Variants in UVRAG observed in about 807,000 individuals in gnomAD.
UVRAG encodes UV radiation resistance-associated gene protein.
Under a neutral mutation model 78.0 loss-of-function variants are expected in UVRAG, and 19 were observed. The ratio of observed to expected loss-of-function variants is 0.24; its 90% CI spans 0.17 to 0.36. UVRAG has a LOEUF of 0.36. UVRAG is among the 10% of genes least tolerant of loss of function. UVRAG has a pLI of 1.00. For missense variants in UVRAG, 740 were observed against 853.8 expected (o/e 0.87, Z 1.66); for synonymous variants, 323 against 324.6 (o/e 1.00, Z 0.05).
chr11:75,951,744 G>C (rs1320696360), intron 6 of UVRAG, among the ~76,000 whole-genome samples: 3 of 152,056 alleles, frequency 2.0e-5, no homozygotes, highest in Non-Finnish European at 4.4e-5. Context: ...CTTACTTACT[G>C]TAGCTTTATG....
chr11:75,947,262 G>C (rs2135154094), intron 6 of UVRAG, among the ~76,000 whole-genome samples: 1 of 152,268 alleles, frequency 6.6e-6, no homozygotes, highest in Non-Finnish European at 1.5e-5. Context: ...ACTGATACGT[G>C]ACCTTAATTA....
intron 10 of UVRAG, among the ~76,000 whole-genome samples, chr11:76,008,030 C>G (rs1341269546): frequency 6.6e-6 from 1 of 152,074 alleles, no homozygotes; most frequent in African/African-American, 2.4e-5. Context: ...GCCTCAGCCT[C>G]CCGAGTAGCT....
intron 8 of UVRAG, among the ~76,000 whole-genome samples, chr11:75,995,293 T>A (rs914759209): frequency 1.3e-5 from 2 of 152,048 alleles, no homozygotes; most frequent in African/African-American, 4.8e-5. Flanking sequence ...GCCATACTTT[T>A]CTCCTATTTT....
intron 13 of UVRAG, among the ~76,000 whole-genome samples, chr11:76,073,161 A>G (rs1951345290): frequency 6.6e-6 from 1 of 152,088 alleles, no homozygotes. Context: ...TTAAATCATG[A>G]CCCCTGAGTG....
intron 2 of UVRAG, among the ~76,000 whole-genome samples, chr11:75,860,324 A>C (rs183408024): frequency 6.6e-6 from 1 of 152,288 alleles, no homozygotes; most frequent in East Asian, 1.9e-4. Flanking sequence ...AAACTGTTTA[A>C]TTTAGACACT....
At chr11:75,866,115 G>A (rs185890096) in intron 3 of UVRAG, among the ~76,000 whole-genome samples, 2 of 151,924 alleles carry the variant, frequency 1.3e-5, no homozygotes, top group South Asian at 2.1e-4. Flanking sequence ...AAAATTACCC[G>A]GGAAGTTGAG....
intron 6 of UVRAG, among the ~76,000 whole-genome samples, chr11:75,926,311 G>A (rs1354700860): frequency 6.6e-6 from 1 of 152,178 alleles, no homozygotes; most frequent in Non-Finnish European, 1.5e-5. Flanking sequence ...TTCTTTCTTA[G>A]TTGGCATCCC....
At chr11:76,073,125 T>C (rs1477174680) in intron 13 of UVRAG, among the ~76,000 whole-genome samples, 1 of 152,152 alleles carries the variant, frequency 6.6e-6, no homozygotes, top group Non-Finnish European at 1.5e-5. Flanking sequence ...ATGTCCTTAA[T>C]GAAGCAGTAA....
intron 8 of UVRAG, 198 bp downstream of exon 8, chr11:75,983,711 G>T (rs1949438999): frequency 2.9e-6 from 2 of 694,816 alleles, no homozygotes; most frequent in South Asian, 6.2e-5. Flanking sequence ...CACAAGCTCA[G>T]ATGGTATAAA....
At chr11:76,000,142 G>T (rs1191934815) in intron 8 of UVRAG, among the ~76,000 whole-genome samples, 1 of 152,154 alleles carries the variant, frequency 6.6e-6, no homozygotes, top group East Asian at 1.9e-4. Flanking sequence ...GGAACATACT[G>T]AAAACAGCTA....
At chr11:76,100,750 C>G (rs1457658420) in intron 13 of UVRAG, among the ~76,000 whole-genome samples, 1 of 152,088 alleles carries the variant, frequency 6.6e-6, no homozygotes, top group Non-Finnish European at 1.5e-5. Context: ...CTGTTCCTCT[C>G]CCTCCTTCCA....
Position 76,141,953 on chromosome 11 carries a change from T to C in UVRAG, c.*540T>C, listed in dbSNP as rs1022375092. ...AACTGTCCCTCTTCCTGCCCCCGGG[T>C]ACCACAGTCCACCTTTAGACCCTAC... On this transcript the variant is annotated 3_prime_UTR_variant, in exon 15 of 15. Coordinates refer to ENST00000356136, the MANE Select transcript of UVRAG (RefSeq NM_003369.4). 2 of 155,546 alleles carry C rather than the reference T, an allele frequency of 1.3e-5. No individual in the cohort carries two copies. The highest frequency in any genetic ancestry group is 4.8e-5 in the African/African-American group (2 of 41,446). The allele number at this position is 155,546 out of a possible 1,614,324, so 9.6% of individuals were successfully genotyped here.
At chr11:76,054,930 T>C (rs1344297490) in intron 12 of UVRAG, among the ~76,000 whole-genome samples, 1 of 152,270 alleles carries the variant, frequency 6.6e-6, no homozygotes, top group East Asian at 1.9e-4. Context: ...GAGTCTTTGG[T>C]ATAAAGTAAG....
At chr11:75,831,924 T>TA (rs1417117244) in intron 1 of UVRAG, among the ~76,000 whole-genome samples, 1 of 152,186 alleles carries the variant, frequency 6.6e-6, no homozygotes, top group Non-Finnish European at 1.5e-5. Flanking sequence ...AGCTGATTTT[T>TA]AAAAAAGCAT....
chr11:76,080,600 G>A (rs1294632739), intron 13 of UVRAG, among the ~76,000 whole-genome samples: 1 of 151,838 alleles, frequency 6.6e-6, no homozygotes, highest in East Asian at 1.9e-4. Context: ...GGTGAACCTG[G>A]GACAAGAAAC....
intron 1 of UVRAG, among the ~76,000 whole-genome samples, chr11:75,824,535 G>GTC (rs1205749405): frequency 2.6e-5 from 4 of 151,758 alleles, no homozygotes; most frequent in African/African-American, 4.8e-5. Flanking sequence ...AAACTAATAA[G>GTC]TTGGGCCTGA....
At chr11:76,140,582 G>A (rs1952698707) in intron 14 of UVRAG, 129 bp from the exon 15 acceptor site, 1 of 967,400 alleles carries the variant, frequency 1.0e-6, no homozygotes, top group East Asian at 2.6e-5. Flanking sequence ...AATAACTATT[G>A]TCTAAGATTG....
intron 1 of UVRAG, among the ~76,000 whole-genome samples, chr11:75,850,071 T>C (rs1194618449): frequency 1.5e-5 from 2 of 132,114 alleles, no homozygotes; most frequent in African/African-American, 8.7e-5. Context: ...GTCTGATTGG[T>C]TGCAGAAAGC....
At chr11:76,045,153 CTAA>C (rs1950725215) in intron 12 of UVRAG, among the ~76,000 whole-genome samples, 1 of 152,190 alleles carries the variant, frequency 6.6e-6, no homozygotes, top group Non-Finnish European at 1.5e-5. Flanking sequence ...TCGAACTAGA[CTAA>C]TGCTGGATTC....
Sources: gnomAD v4.1 joint callset for allele counts (sites outside exome capture counted in the v4.1 genomes callset) on GRCh38, gnomAD v4.1.1 for gene constraint, MANE v1.5 for transcripts, NCBI Gene and HGNC (gene_info 2026-07-23, HGNC 2026-07-21) for gene names.